RFX4: variants seen among roughly 807,000 people sequenced by gnomAD.
RFX4 encodes the protein transcription factor RFX4.
In RFX4, 10 loss-of-function variants were observed where a neutral mutation model predicts 95.0. The observed-to-expected ratio is 0.11, with a 90% confidence interval of 0.06 to 0.18. The LOEUF (loss-of-function observed/expected upper bound fraction) is 0.18. Among genes scored for constraint, RFX4 ranks in the 10% least tolerant of loss-of-function variants. The pLI is 1.00. For missense variants in RFX4, 640 were observed against 922.0 expected, an observed-to-expected ratio of 0.69 and a Z score of 3.96; for synonymous variants, 321 against 340.7, an observed-to-expected ratio of 0.94 and a Z score of 0.64.
chr12:106,691,058 T>C (rs112150144), intron 7 of RFX4, among the ~76,000 whole-genome samples: 1 of 152,142 alleles, frequency 6.6e-6, no homozygotes, highest in Non-Finnish European at 1.5e-5. Context: ...ATGCAGAATA[T>C]ATGGTGAGAG....
intron 17 of RFX4, among the ~76,000 whole-genome samples, chr12:106,751,197 T>G (rs1048233124): frequency 6.6e-6 from 1 of 151,662 alleles, no homozygotes; most frequent in Non-Finnish European, 1.5e-5. Flanking sequence ...TTTGGTTTTT[T>G]GTTCTTGCGA....
At chr12:106,614,477 C>CCGTGTGTG (rs1555225386) in intron 2 of RFX4, among the ~76,000 whole-genome samples, 1 of 127,764 alleles carries the variant, frequency 7.8e-6, no homozygotes, top group South Asian at 2.9e-4. Context: ...CGTCTTTTGC[C>CCGTGTGTG]TGTGTGTGTG....
intron 1 of RFX4, among the ~76,000 whole-genome samples, chr12:106,608,295 A>C (rs925575928): frequency 6.6e-6 from 1 of 152,208 alleles, no homozygotes; most frequent in Admixed American, 6.5e-5. Flanking sequence ...CCCTGGCCAA[A>C]GGGAGGCAAG....
intron 1 of RFX4, among the ~76,000 whole-genome samples, chr12:106,594,816 A>AG (rs398044780): frequency 6.6e-6 from 1 of 151,248 alleles, no homozygotes; most frequent in Non-Finnish European, 1.5e-5. Flanking sequence ...AAAAAAAAAA[A>AG]GAAATGAAAA....
intron 2 of RFX4, among the ~76,000 whole-genome samples, chr12:106,617,719 A>AT (rs1309660406): frequency 1.3e-5 from 2 of 152,146 alleles, no homozygotes; most frequent in South Asian, 2.1e-4. Context: ...TTGAATGTAC[A>AT]TTTTGGGTTT....
Position 106,737,162 on chromosome 12 carries a change from G to GTTTTTTTTTT in RFX4, c.1633+4108_1633+4117dup, listed in dbSNP as rs556116618. 5.5e-5 allele frequency among the ~76,000 whole-genome samples: 3 copies of GTTTTTTTTTT among 54,926 alleles called. 1 individual carries two copies. The highest frequency in any genetic ancestry group is 7.0e-5 in the Non-Finnish European group (2 of 28,652). The allele number at this position is 54,926 out of a possible 152,430, so 36.0% of individuals were successfully genotyped here. ...TTTCCAGAATAGACTCGGAACTAAA[G>GTTTTTTTTTT]TTTTTTTTTTTTTTTTTTTTTTTTT... On this transcript the variant is annotated intron_variant, in intron 15 of 17. Coordinates refer to ENST00000392842, the MANE Select transcript of RFX4 (RefSeq NM_213594.3).
At chr12:106,654,017 C>T (rs536849170) in intron 3 of RFX4, among the ~76,000 whole-genome samples, 3 of 152,126 alleles carry the variant, frequency 2.0e-5, no homozygotes, top group Non-Finnish European at 4.4e-5. Context: ...GGTGTCATAC[C>T]CAAAGGGGCC....
In RFX4 at chr12:106,732,918, C is replaced by T; in HGVS notation, c.1472-6C>T. 1 of 1,612,988 alleles carries T rather than the reference C, an allele frequency of 6.2e-7. No individual in the cohort carries two copies. On this transcript the variant is annotated splice_region_variant and splice_polypyrimidine_tract_variant and intron_variant, in intron 14 of 17. Coordinates refer to ENST00000392842, the MANE Select transcript of RFX4 (RefSeq NM_213594.3). Reference sequence around the variant, plus strand: ...TTTTAAAAACTTACCCTATCTCTATCCACAGCAGAAGTCCGAGAAGAGATC... The same window carrying T: ...TTTTAAAAACTTACCCTATCTCTATTCACAGCAGAAGTCCGAGAAGAGATC...
chr12:106,631,576 G>C (rs770399050), intron 2 of RFX4, among the ~76,000 whole-genome samples: 2 of 152,102 alleles, frequency 1.3e-5, no homozygotes, highest in Non-Finnish European at 2.9e-5. Context: ...GCCCCAGAGA[G>C]CTCCCTCACC....
chr12:106,608,704 T>C, intron 1 of RFX4, 93 bp from the exon 2 acceptor site: 1 of 1,137,992 alleles, frequency 8.8e-7, no homozygotes, highest in South Asian at 1.6e-5. Flanking sequence ...AATGCATTTA[T>C]GATGTTCTGT....
At chr12:106,666,928 T>C (rs918763422) in intron 4 of RFX4, among the ~76,000 whole-genome samples, 2 of 152,180 alleles carry the variant, frequency 1.3e-5, no homozygotes, top group South Asian at 4.1e-4. Context: ...TTTCTTTAAA[T>C]TGTGTTTTAG....
intron 3 of RFX4, among the ~76,000 whole-genome samples, chr12:106,653,504 C>T (rs933779945): frequency 4.6e-5 from 7 of 152,148 alleles, no homozygotes; most frequent in African/African-American, 1.4e-4. Context: ...AGTAACTTGC[C>T]CAAGGTCACC....
Position 106,632,809 on chromosome 12 carries a change from G to A in RFX4, c.131-6523G>A, listed in dbSNP as rs1012412506. Among the ~76,000 whole-genome samples the A allele has an allele frequency of 2.6e-5, 4 of 152,036 alleles. No individual in the cohort carries two copies. In the East Asian group the frequency reaches 5.8e-4, roughly 22 times the overall value. On this transcript the variant is annotated intron_variant, in intron 2 of 17. Transcript: ENST00000392842. ...GCTGGGACTACAAGTGCATGCCACC[G>A]TATCTGGCACTACAGGTGCATGCCA... is the stretch of plus-strand genomic sequence containing the variant.
intron 7 of RFX4, among the ~76,000 whole-genome samples, chr12:106,692,031 C>T (rs530763891): frequency 2.6e-5 from 4 of 152,106 alleles, no homozygotes; most frequent in Admixed American, 6.5e-5. Flanking sequence ...GTGGCGCGTG[C>T]CTGTAGTCCC....
chr12:106,747,927 TAAAAAAA>T (rs10624179), intron 16 of RFX4, among the ~76,000 whole-genome samples: 4 of 126,382 alleles, frequency 3.2e-5, no homozygotes. Flanking sequence ...GACGCCGTCT[TAAAAAAA>T]AAAAAAAAAG....
chr12:106,710,874 C>T (rs1717864322), intron 9 of RFX4, among the ~76,000 whole-genome samples: 1 of 152,172 alleles, frequency 6.6e-6, no homozygotes, highest in South Asian at 2.1e-4. Flanking sequence ...CCTATTATGT[C>T]AGTGTAGGAA....
At chr12:106,749,498 C>T (rs1486165257) in intron 16 of RFX4, among the ~76,000 whole-genome samples, 3 of 152,112 alleles carry the variant, frequency 2.0e-5, no homozygotes, top group Non-Finnish European at 4.4e-5. Flanking sequence ...GTCAATCGGG[C>T]AACCATTATT....
chr12:106,755,545 C>T (rs1171567635), intron 17 of RFX4, among the ~76,000 whole-genome samples: 5 of 152,178 alleles, frequency 3.3e-5, no homozygotes, highest in East Asian at 1.9e-4. Context: ...ACTACTGTTT[C>T]GGAGAGTGGA....
intron 14 of RFX4, 124 bp downstream of exon 14, chr12:106,732,373 G>T (rs2042629978): frequency 1.5e-6 from 2 of 1,333,142 alleles, no homozygotes; most frequent in Non-Finnish European, 2.0e-6. Flanking sequence ...AGGTTAAGTG[G>T]TATCAAACCA....
Sources: gnomAD v4.1 joint callset for allele counts (sites outside exome capture counted in the v4.1 genomes callset) on GRCh38, gnomAD v4.1.1 for gene constraint, MANE v1.5 for transcripts, NCBI Gene and HGNC (gene_info 2026-07-23, HGNC 2026-07-21) for gene names.